Variants in GPHN observed in about 807,000 individuals in gnomAD.
GPHN encodes the protein gephyrin.
A neutral mutation model predicts 95.5 loss-of-function variants in GPHN; 17 were observed. That is an observed-to-expected ratio of 0.18 (90% CI 0.12 to 0.27). The LOEUF is 0.27. Ranked by LOEUF, GPHN falls within the 10% of genes least tolerant of loss-of-function variation. The pLI is 1.00. For synonymous variants in GPHN, 320 were observed against 322.5 expected (o/e 0.99, Z 0.08); for missense variants, 660 against 978.1 (o/e 0.67, Z 4.34).
the GPHN span, among the ~76,000 whole-genome samples, chr14:67,415,049 G>C: frequency 6.6e-6 from 1 of 152,338 alleles, no homozygotes; most frequent in Non-Finnish European, 1.5e-5. Flanking sequence ...GGGGCTGCAG[G>C]CCTGGAAGGG....
At chr14:67,690,540 C>G in the GPHN span, 1 of 792,880 alleles carries the variant, frequency 1.3e-6, no homozygotes, top group Non-Finnish European at 2.1e-6. Flanking sequence ...TTCCCTCCAA[C>G]TTTTCATTAT....
At chr14:67,727,098 A>G in the GPHN span, 1 of 1,614,216 alleles carries the variant, frequency 6.2e-7, no homozygotes, top group Non-Finnish European at 8.5e-7. Flanking sequence ...CACGACCTCC[A>G]GAGCGAGAAG....
intron 1 of GPHN, among the ~76,000 whole-genome samples, chr14:66,680,549 A>G (rs759023157): frequency 6.6e-6 from 1 of 152,166 alleles, no homozygotes; most frequent in Non-Finnish European, 1.5e-5. Context: ...CAGCTTACAA[A>G]TTATCAAGAG....
At chr14:67,091,552 A>G (rs965509415) in intron 12 of GPHN, among the ~76,000 whole-genome samples, 1 of 152,042 alleles carries the variant, frequency 6.6e-6, no homozygotes, top group African/African-American at 2.4e-5. Flanking sequence ...ATGAAACACC[A>G]GAGACAAAGA....
intron 2 of GPHN, among the ~76,000 whole-genome samples, chr14:66,753,246 C>T (rs7142259): frequency 0.33 from 49,564 of 151,782 alleles, 11,857 homozygotes; most frequent in African/African-American, 0.65. Context: ...CTTGTACATC[C>T]ACCATGCAAT....
the GPHN span, among the ~76,000 whole-genome samples, chr14:67,663,444 C>T: frequency 9.2e-5 from 14 of 151,988 alleles, no homozygotes; most frequent in African/African-American, 3.4e-4. Context: ...GAGGCCGAGG[C>T]GGGCGGATCA....
At chr14:67,059,026 A>C in intron 11 of GPHN, 2 of 569,450 alleles carry the variant, frequency 3.5e-6, no homozygotes, top group Non-Finnish European at 6.1e-6. Context: ...AAAAAAAAAA[A>C]AAAGGAAGAA....
intron 2 of GPHN, among the ~76,000 whole-genome samples, chr14:66,735,621 G>A (rs548941567): frequency 6.6e-6 from 1 of 152,006 alleles, no homozygotes; most frequent in African/African-American, 2.4e-5. Flanking sequence ...TTCTTTTACT[G>A]GGTGCCATGA....
chr14:67,491,055 T>C, the GPHN span, among the ~76,000 whole-genome samples: 1 of 152,170 alleles, frequency 6.6e-6, no homozygotes, highest in South Asian at 2.1e-4. Context: ...CCACTTCAGA[T>C]GCCAGTCACA....
intron 2 of GPHN, among the ~76,000 whole-genome samples, chr14:66,688,914 G>A (rs370298660): frequency 6.6e-6 from 1 of 151,738 alleles, no homozygotes; most frequent in Admixed American, 6.6e-5. Flanking sequence ...GGGCCTGTCG[G>A]GGGGTGGGGG....
intron 11 of GPHN, among the ~76,000 whole-genome samples, chr14:67,075,909 G>T (rs2076474584): frequency 6.6e-6 from 1 of 152,182 alleles, no homozygotes. Context: ...TTGTTGAAAT[G>T]ATGACAACCA....
At chr14:67,496,788 G>GTCTT in the GPHN span, among the ~76,000 whole-genome samples, 1,730 of 41,892 alleles carry the variant, frequency 0.041, 20 homozygotes, top group Non-Finnish European at 0.067. Flanking sequence ...CCTCATTTCT[G>GTCTT]TCTTTCTTTC....
At chr14:67,685,698 C>G in the GPHN span, among the ~76,000 whole-genome samples, 1 of 151,952 alleles carries the variant, frequency 6.6e-6, no homozygotes, top group South Asian at 2.1e-4. Context: ...TTCCTTCTGC[C>G]ACTGCCTTCC....
At chr14:66,852,902 G>A (rs955474038) in intron 4 of GPHN, among the ~76,000 whole-genome samples, 1 of 152,124 alleles carries the variant, frequency 6.6e-6, no homozygotes, top group African/African-American at 2.4e-5. Flanking sequence ...ATTTTTAGAT[G>A]AATTTGTATC....
the GPHN span, among the ~76,000 whole-genome samples, chr14:67,365,741 C>T: frequency 1.3e-5 from 2 of 152,184 alleles, no homozygotes; most frequent in African/African-American, 4.8e-5. Context: ...CCATCATGTC[C>T]GAAAGGCTTC....
chr14:66,950,568 T>C (rs1484625544), intron 8 of GPHN, among the ~76,000 whole-genome samples: 1 of 152,224 alleles, frequency 6.6e-6, no homozygotes, highest in Non-Finnish European at 1.5e-5. Context: ...CTGCTTCTAC[T>C]TCCTTATTAT....
At chr14:67,330,273 G>A in the GPHN span, among the ~76,000 whole-genome samples, 1 of 150,824 alleles carries the variant, frequency 6.6e-6, no homozygotes, top group Non-Finnish European at 1.5e-5. Context: ...TGCTTTCTTT[G>A]ACTATAATTT....
rs532482172 is a variant in GPHN, at chr14:66,602,103, C to T, written c.65-79004C>T. 2.6e-5 allele frequency among the ~76,000 whole-genome samples: 4 copies of T among 151,978 alleles called. No individual in the cohort carries two copies. The South Asian group carries it at 8.3e-4, about 32-fold the overall frequency. ...TTCTGATAACCAGCAAAGTTCCTAT[C>T]ACATAGAAAGCCCTCAGGAAATGTT... On this transcript the variant is annotated intron_variant, in intron 1 of 22. Coordinates refer to ENST00000478722, the MANE Select transcript of GPHN (RefSeq NM_020806.5).
chr14:67,382,904 C>CGT, the GPHN span, among the ~76,000 whole-genome samples: 2 of 140,450 alleles, frequency 1.4e-5, no homozygotes, highest in African/African-American at 5.7e-5. Flanking sequence ...TACGTGCGTG[C>CGT]GTGCGTGTGT....
Sources: gnomAD v4.1 joint callset for allele counts (sites outside exome capture counted in the v4.1 genomes callset) on GRCh38, gnomAD v4.1.1 for gene constraint, MANE v1.5 for transcripts, NCBI Gene and HGNC (gene_info 2026-07-23, HGNC 2026-07-21) for gene names.